CTBP2: variants seen among roughly 807,000 people sequenced by gnomAD.
CTBP2 encodes C-terminal binding protein 2.
A neutral mutation model predicts 80.3 loss-of-function variants in CTBP2; 30 were observed. The observed-to-expected ratio is 0.37, with a 90% CI of 0.28 to 0.51. The LOEUF (loss-of-function observed/expected upper bound fraction) is 0.51. Ranked by LOEUF, CTBP2 falls within the 20% of genes least tolerant of loss-of-function variation. The probability of loss-of-function intolerance (pLI) is 0.93; values close to 1 mark genes in which losing one functional copy is unlikely to be tolerated. For synonymous variants in CTBP2, 594 were observed against 587.4 expected (o/e 1.01, Z -0.16); for missense variants, 1,212 against 1,375.3 (o/e 0.88, Z 1.88).
At chr10:125,028,712 G>A (rs967046301), upstream of CTBP2, among the ~76,000 whole-genome samples, 7 of 152,234 alleles carry the variant, frequency 4.6e-5, no homozygotes, top group Admixed American at 4.6e-4. Context: ...GGAACAGGAG[G>A]ATGGGTGACT....
At chr10:124,990,042 GTTTT>G (rs74920887) in intron 8 of CTBP2, among the ~76,000 whole-genome samples, 2 of 138,870 alleles carry the variant, frequency 1.4e-5, no homozygotes. Flanking sequence ...CTGGCTAATA[GTTTT>G]TTTTTTTTTT....
chr10:124,995,893 G>T lies in CTBP2; in HGVS notation c.2186-1210C>A, dbSNP rs117117820. On this transcript the variant is annotated intron_variant, in intron 4 of 8. Coordinates refer to ENST00000309035, the MANE Select transcript of CTBP2 (RefSeq NM_022802.3). ...ACAGGACCCCCGCCTGCCTTCCCCC[G>T]TTCCTGCAGCCTCCATCCCCCTCAT... Among the ~76,000 whole-genome samples the T allele has an allele frequency of 2.3e-3, 357 of 151,916 alleles. 9 individuals are homozygous for T. The East Asian group carries it at 0.062, about 26-fold the overall frequency.
intron 2 of CTBP2, among the ~76,000 whole-genome samples, chr10:125,098,972 C>T (rs979749386): frequency 1.3e-5 from 2 of 152,200 alleles, no homozygotes; most frequent in Non-Finnish European, 2.9e-5. Flanking sequence ...ACTCAGCAAG[C>T]TCACCTGACT....
chr10:125,082,589 CTTTTTTTT>C (rs71486514), intron 2 of CTBP2, among the ~76,000 whole-genome samples: 36 of 131,044 alleles, frequency 2.7e-4, no homozygotes, highest in African/African-American at 9.3e-4. Flanking sequence ...CAGCTTTCCT[CTTTTTTTT>C]TTTTTTTTTT....
At chr10:125,082,123 TC>T (rs56245371) in intron 2 of CTBP2, among the ~76,000 whole-genome samples, 30,844 of 152,202 alleles carry the variant, frequency 0.2, 3,357 homozygotes, top group African/African-American at 0.29. Context: ...TGGCGTGCCC[TC>T]CCTGATGGCC....
chr10:125,078,007 G>A (rs984863278), intron 2 of CTBP2, among the ~76,000 whole-genome samples: 5 of 152,180 alleles, frequency 3.3e-5, no homozygotes, highest in African/African-American at 1.2e-4. Context: ...CAGGCCGGGC[G>A]CGGTGGCTCA....
chr10:125,028,763 C>T (rs76612412), upstream of CTBP2, among the ~76,000 whole-genome samples: 1,289 of 152,324 alleles, frequency 8.5e-3, 11 homozygotes, highest in Non-Finnish European at 0.014. Context: ...GCGGCTGCAT[C>T]TGAATATCTC....
At chr10:125,003,813 G>A (rs1342210321) in intron 1 of CTBP2, among the ~76,000 whole-genome samples, 1 of 152,108 alleles carries the variant, frequency 6.6e-6, no homozygotes, top group African/African-American at 2.4e-5. Flanking sequence ...CCTGCACCGC[G>A]TGCCTCCCTG....
chr10:125,135,830 G>A (rs573314684), intron 1 of CTBP2, among the ~76,000 whole-genome samples: 4 of 152,220 alleles, frequency 2.6e-5, no homozygotes, highest in Non-Finnish European at 5.9e-5. Context: ...CAGCAGGAGC[G>A]TACCTGTCAG....
intron 1 of CTBP2, among the ~76,000 whole-genome samples, chr10:125,143,455 G>C (rs983507991): frequency 6.6e-6 from 1 of 152,190 alleles, no homozygotes; most frequent in Non-Finnish European, 1.5e-5. Context: ...TCCAGCCTGG[G>C]CTACAGAGTG....
At chr10:125,148,500 G>A (rs1859216232) in intron 1 of CTBP2, among the ~76,000 whole-genome samples, 1 of 152,200 alleles carries the variant, frequency 6.6e-6, no homozygotes, top group Non-Finnish European at 1.5e-5. Context: ...CTTCCTTGCT[G>A]AGAAATATTT....
intron 2 of CTBP2, among the ~76,000 whole-genome samples, chr10:125,078,189 A>G (rs1017703483): frequency 1.3e-5 from 2 of 150,630 alleles, no homozygotes; most frequent in Non-Finnish European, 1.5e-5. Context: ...CTGAGGCAGG[A>G]GAATGGCATG....
At chr10:125,119,572 G>C (rs935722452) in intron 1 of CTBP2, among the ~76,000 whole-genome samples, 5 of 152,124 alleles carry the variant, frequency 3.3e-5, no homozygotes, top group African/African-American at 1.2e-4. Flanking sequence ...AGGTCAAATG[G>C]AAAATAAACT....
At chr10:125,009,945 G>A (rs1017010678) in intron 1 of CTBP2, among the ~76,000 whole-genome samples, 6 of 152,156 alleles carry the variant, frequency 3.9e-5, no homozygotes, top group African/African-American at 4.8e-5. Context: ...ACCGTCAGAC[G>A]TGGGATCTAA....
At chr10:125,016,005 A>G (rs545616529) in intron 1 of CTBP2, among the ~76,000 whole-genome samples, 45 of 150,366 alleles carry the variant, frequency 3.0e-4, no homozygotes, top group Non-Finnish European at 5.9e-4. Context: ...AAAGTTTGAG[A>G]ACGCCTACTG....
chr10:125,001,681 G>A (rs564058530), intron 3 of CTBP2, among the ~76,000 whole-genome samples: 107 of 152,240 alleles, frequency 7.0e-4, no homozygotes, highest in Non-Finnish European at 1.3e-3. Context: ...TTGCCCGTGG[G>A]GCAGCCCCAC....
intron 1 of CTBP2, among the ~76,000 whole-genome samples, chr10:125,004,586 C>T (rs184554271): frequency 1.3e-5 from 2 of 152,272 alleles, no homozygotes; most frequent in East Asian, 1.9e-4. Context: ...TGCAATCCGC[C>T]GAGATGCCAG....
chr10:125,069,963 A>C (rs1158708714), intron 2 of CTBP2, among the ~76,000 whole-genome samples: 1 of 144,836 alleles, frequency 6.9e-6, no homozygotes, highest in African/African-American at 2.6e-5. Context: ...CAGACTTTGG[A>C]TAACAATGGA....
chr10:125,130,068 A>T (rs577823458), intron 1 of CTBP2, among the ~76,000 whole-genome samples: 35 of 147,054 alleles, frequency 2.4e-4, no homozygotes, highest in African/African-American at 8.4e-4. Flanking sequence ...TTCTTTTGAG[A>T]CAGAGTTTCA....
Sources: gnomAD v4.1 joint callset for allele counts (sites outside exome capture counted in the v4.1 genomes callset) on GRCh38, gnomAD v4.1.1 for gene constraint, MANE v1.5 for transcripts, NCBI Gene and HGNC (gene_info 2026-07-23, HGNC 2026-07-21) for gene names.